The following C10orf67 variants were observed in gnomAD, a reference collection of about 807,000 sequenced individuals.
C10orf67 encodes chromosome 10 open reading frame 67, also known as uncharacterized protein C10orf67, mitochondrial.
Under a neutral mutation model 35.6 loss-of-function variants are expected in C10orf67, and 60 were observed. The observed-to-expected ratio is 1.68, with a 90% CI of 1.37 to 2.09. The LOEUF (loss-of-function observed/expected upper bound fraction) is 2.09. Ranked by LOEUF, C10orf67 falls within the 30% of genes most tolerant of loss-of-function variation. C10orf67 has a pLI of 0.00. For synonymous variants in C10orf67, 167 were observed against 115.8 expected (o/e 1.44, Z -2.84); for missense variants, 474 against 330.2 (o/e 1.44, Z -3.38).
intron 12 of C10orf67, among the ~76,000 whole-genome samples, chr10:23,246,983 G>A (rs1181498130): frequency 6.6e-6 from 1 of 151,616 alleles, no homozygotes; most frequent in East Asian, 1.9e-4. Flanking sequence ...GCACCACCAC[G>A]TGAAAAAAAA....
At chr10:23,292,102 T>C (rs912752727) in intron 5 of C10orf67, among the ~76,000 whole-genome samples, 4 of 151,470 alleles carry the variant, frequency 2.6e-5, no homozygotes, top group Non-Finnish European at 2.9e-5. Flanking sequence ...TCTTGCCATG[T>C]CCATTATGGG....
At position 23,227,433 on chromosome 10, in the gene C10orf67, T is replaced by C. The variant is rs1253157657; in HGVS notation, c.1435-3615A>G. Among the ~76,000 whole-genome samples the C allele has an allele frequency of 6.9e-4, 105 of 152,310 alleles. 1 individual carries two copies. The highest frequency in any genetic ancestry group is 1.9e-4 in the Non-Finnish European group (13 of 68,034). On this transcript the variant is annotated intron_variant, in intron 13 of 15. Coordinates refer to ENST00000636213, the MANE Select transcript of C10orf67 (RefSeq NM_001371909.1). ...CAATAAATTAGGTATTGATGGGACA[T>C]ATCTCAAAATAATAAGAGCTATTTA...
intron 4 of C10orf67, chr10:23,318,703 C>T (rs1407540956): frequency 1.7e-6 from 1 of 583,484 alleles, no homozygotes; most frequent in Non-Finnish European, 3.1e-6. Flanking sequence ...AGCAATCTGT[C>T]CTGGGATGTT....
chr10:23,292,456 G>T (rs1187587302), intron 5 of C10orf67, among the ~76,000 whole-genome samples: 1 of 151,994 alleles, frequency 6.6e-6, no homozygotes, highest in South Asian at 2.1e-4. Context: ...GTCATCACAG[G>T]TGAATTATAA....
chr10:23,213,123 A>G (rs1246797063), intron 15 of C10orf67, among the ~76,000 whole-genome samples: 1 of 152,234 alleles, frequency 6.6e-6, no homozygotes, highest in Non-Finnish European at 1.5e-5. Context: ...AAAATGAAAC[A>G]CTAAAACATG....
intron 7 of C10orf67, among the ~76,000 whole-genome samples, chr10:23,283,280 A>G (rs1843424710): frequency 6.6e-6 from 1 of 152,190 alleles, no homozygotes; most frequent in African/African-American, 2.4e-5. Context: ...TTGCCTTTGT[A>G]TTTACGTTGA....
At chr10:23,212,077 C>T (rs1031198797) in intron 15 of C10orf67, among the ~76,000 whole-genome samples, 1 of 152,046 alleles carries the variant, frequency 6.6e-6, no homozygotes, top group Non-Finnish European at 1.5e-5. Flanking sequence ...GGACCTTAAC[C>T]CAGTATGTCT....
At chr10:23,215,671 ACTAC>A (rs1841413360) in intron 15 of C10orf67, among the ~76,000 whole-genome samples, 1 of 152,140 alleles carries the variant, frequency 6.6e-6, no homozygotes, top group Non-Finnish European at 1.5e-5. Context: ...TTATATCCAA[ACTAC>A]ATAATGGGAA....
chr10:23,231,509 A>G (rs1841914051), intron 13 of C10orf67, among the ~76,000 whole-genome samples: 1 of 152,186 alleles, frequency 6.6e-6, no homozygotes, highest in African/African-American at 2.4e-5. Context: ...TCCTGCCTGG[A>G]GCCACTTGCT....
chr10:23,237,044 C>T (rs371627994), intron 13 of C10orf67, among the ~76,000 whole-genome samples: 7 of 152,106 alleles, frequency 4.6e-5, no homozygotes, highest in African/African-American at 1.4e-4. Context: ...TCTCCTCCCA[C>T]CTCCACCCTC....
At chr10:23,250,033 T>C (rs1346378906) in intron 12 of C10orf67, among the ~76,000 whole-genome samples, 2 of 152,184 alleles carry the variant, frequency 1.3e-5, no homozygotes, top group East Asian at 3.9e-4. Context: ...AAAAATAGAT[T>C]TGAGAGGTTG....
intron 1 of C10orf67, 100 bp from the exon 2 acceptor site, chr10:23,333,282 G>A (rs1554818101): frequency 2.7e-6 from 3 of 1,131,696 alleles, no homozygotes; most frequent in South Asian, 3.1e-5. Flanking sequence ...CGTATTTTAA[G>A]TATTCTAAGA....
At chr10:23,311,479 A>T (rs148946172) in intron 4 of C10orf67, among the ~76,000 whole-genome samples, 2,267 of 152,268 alleles carry the variant, frequency 0.015, 54 homozygotes, top group African/African-American at 0.052. Flanking sequence ...TGGGAGGCCG[A>T]GGTGGGTGGA....
At chr10:23,323,592 T>G (rs1224306041) in intron 2 of C10orf67, among the ~76,000 whole-genome samples, 1 of 151,904 alleles carries the variant, frequency 6.6e-6, no homozygotes, top group Non-Finnish European at 1.5e-5. Context: ...CCTACATCGC[T>G]ACAAATACAG....
intron 4 of C10orf67, among the ~76,000 whole-genome samples, chr10:23,309,181 T>C (rs942462388): frequency 1.3e-5 from 2 of 152,180 alleles, no homozygotes; most frequent in African/African-American, 2.4e-5. Flanking sequence ...AATATATTAA[T>C]ATATATATCA....
chr10:23,334,191 A>G (rs1845585643), intron 1 of C10orf67, among the ~76,000 whole-genome samples: 1 of 152,226 alleles, frequency 6.6e-6, no homozygotes, highest in African/African-American at 2.4e-5. Flanking sequence ...TTGTTTCTTT[A>G]AGATGATCAT....
Position 23,331,071 on chromosome 10 carries a change from G to A in C10orf67, c.327+1991C>T, listed in dbSNP as rs1281306667. ...GAGGGGAGGGGAGAGAAACAGGGAA[G>A]GGAGGAGGGAGGGGATAGGAGGGGA... On this transcript the variant is annotated intron_variant, in intron 2 of 15. Transcript: ENST00000636213. Among the ~76,000 whole-genome samples, 4 of 136,502 alleles carry A rather than the reference G, an allele frequency of 2.9e-5. No individual in the cohort carries two copies. The East Asian group carries it at 8.8e-4, about 30-fold the overall frequency. 89.6% of individuals were successfully genotyped at this position (136,502 alleles called of 152,430 possible).
At chr10:23,237,356 GTGTCTTGTGGTTTCT>G (rs1842076110) in intron 13 of C10orf67, among the ~76,000 whole-genome samples, 1 of 152,164 alleles carries the variant, frequency 6.6e-6, no homozygotes. Flanking sequence ...GTGCATGCAT[GTGTCTTGTGGTTTCT>G]TATGCAGTTA....
chr10:23,248,447 G>A (rs762323921), intron 12 of C10orf67, among the ~76,000 whole-genome samples: 1 of 152,216 alleles, frequency 6.6e-6, no homozygotes, highest in Non-Finnish European at 1.5e-5. Flanking sequence ...GAACTCGGCA[G>A]AGATGGAAAA....
Sources: gnomAD v4.1 joint callset for allele counts (sites outside exome capture counted in the v4.1 genomes callset) on GRCh38, gnomAD v4.1.1 for gene constraint, MANE v1.5 for transcripts, NCBI Gene and HGNC (gene_info 2026-07-23, HGNC 2026-07-21) for gene names.